The following PLCB2 variants were observed in gnomAD, a reference collection of about 807,000 sequenced individuals.
PLCB2 encodes 1-phosphatidylinositol 4,5-bisphosphate phosphodiesterase beta-2.
In PLCB2, 115 loss-of-function variants were observed where a neutral mutation model predicts 141.7. The observed-to-expected ratio is 0.81, with a 90% confidence interval of 0.70 to 0.95. PLCB2 has a LOEUF of 0.95. Among genes scored for constraint, PLCB2 ranks in the 40% least tolerant of loss-of-function variants. PLCB2 has a pLI of 0.00. For missense variants in PLCB2, 1,403 were observed against 1,541.1 expected (o/e 0.91, Z 1.50); for synonymous variants, 603 against 595.6 (o/e 1.01, Z -0.18).
Position 40,288,412 on chromosome 15 carries a change from T to C in PLCB2, c.*303A>G. On this transcript the variant is annotated 3_prime_UTR_variant, in exon 32 of 32. Coordinates refer to ENST00000260402, the MANE Select transcript of PLCB2 (RefSeq NM_004573.3). ...GGCAGAGTGGGGCCAGGATCCCACT[T>C]TCTGCCTTCCAGTCCATAGTCTTTT... 1.8e-6 allele frequency: 2 copies of C among 1,119,558 alleles called. No homozygotes were observed. The highest frequency in any genetic ancestry group is 2.2e-6 in the Non-Finnish European group (2 of 915,130). The allele number at this position is 1,119,558 out of a possible 1,614,324, so 69.4% of individuals were successfully genotyped here. A position where few individuals can be genotyped will look rare whatever the true frequency, so the allele number is the denominator to read the frequency against.
At chr15:40,291,549 G>A in intron 25 of PLCB2, 57 bp downstream of exon 25, 1 of 1,609,304 alleles carries the variant, frequency 6.2e-7, no homozygotes, top group Non-Finnish European at 8.5e-7. Flanking sequence ...AACCCCCAAG[G>A]AGCCCCGGAC....
In PLCB2 at chr15:40,297,581, A is replaced by G. The variant is rs2040288577; in HGVS notation, c.1263T>C (p.Ala421=). 6.2e-7 allele frequency: 1 copy of G among 1,614,122 alleles called. No homozygotes were observed. Among genetic ancestry groups the G allele is most frequent in the Non-Finnish European group, 8.5e-7 (1 of 1,179,978 alleles). ...VDSPRQQAKM[A]EYCRTIFGDM... is the part of the protein sequence containing the mutation. ...CCCCAAAGATCGTCCGGCAATACTC[A>G]GCCATCTTAGCCTGCTGGCGGGGTC... The change falls in exon 13 of 32, where the codon GCT becomes GCC. Residue 421 remains alanine, a synonymous_variant. Coordinates refer to ENST00000260402, the MANE Select transcript of PLCB2 (RefSeq NM_004573.3). The surrounding 1 kb of genome is among the most constrained non-coding windows in gnomAD (Gnocchi z 4.2).
Position 40,288,633 on chromosome 15 carries a change from C to T in PLCB2, c.*82G>A. On this transcript the variant is annotated 3_prime_UTR_variant, in exon 32 of 32. Coordinates refer to ENST00000260402, the MANE Select transcript of PLCB2 (RefSeq NM_004573.3). ...TTCCCACAGCCTCAGAAGGCTGGGG[C>T]TCCTTTTTCCTGGGGGAATAGAACC... 6.9e-7 allele frequency: 1 copy of T among 1,440,492 alleles called. No homozygotes were observed. The allele number at this position is 1,440,492 out of a possible 1,614,324, so 89.2% of individuals were successfully genotyped here.
rs1315023203 is a variant in PLCB2 at position 40,296,911 on chromosome 15, A to G, written c.1324-3T>C. Reference sequence around the variant, plus strand: ...GGCAGGGGGACACCTGGTTTTAGCTATGGAGTGGAGAGCAGGTCAGCACCA... The same window carrying G: ...GGCAGGGGGACACCTGGTTTTAGCTGTGGAGTGGAGAGCAGGTCAGCACCA... On this transcript the variant is annotated splice_polypyrimidine_tract_variant and splice_region_variant and intron_variant, in intron 13 of 31. Coordinates refer to ENST00000260402, the MANE Select transcript of PLCB2 (RefSeq NM_004573.3). 1 of 1,613,876 alleles carries G rather than the reference A, an allele frequency of 6.2e-7. No homozygotes were observed. Among genetic ancestry groups the G allele is most frequent in the Non-Finnish European group, 8.5e-7 (1 of 1,179,916 alleles).
chr15:40,296,825 G>T lies in PLCB2; in HGVS notation c.1407C>A (p.Gly469=). Residue 469 remains glycine (G), a synonymous_variant, in exon 14 of 32, where the codon GGC becomes GGA. Coordinates refer to ENST00000260402, the MANE Select transcript of PLCB2 (RefSeq NM_004573.3). ...LIKNKKNQFS[G]PTSSSKDTGG... ...CAGTATCCTTACTGGAGGAGGTGGG[G>T]CCAGAAAACTGGTTCTTCTTGTTCT... The T allele has an allele frequency of 6.2e-7, 1 of 1,614,128 alleles. No individual in the cohort carries two copies. Among genetic ancestry groups the T allele is most frequent in the Non-Finnish European group, 8.5e-7 (1 of 1,179,982 alleles).
At chr15:40,290,425 A>G in intron 29 of PLCB2, 152 bp downstream of exon 29, 1 of 701,588 alleles carries the variant, frequency 1.4e-6, no homozygotes, top group Non-Finnish European at 2.5e-6. Flanking sequence ...TGAGGAGGAC[A>G]CTCTGATCAA....
rs759350026 is a variant in PLCB2, at chr15:40,302,144, C to T, written c.498G>A (p.Pro166=). The T allele has an allele frequency of 5.0e-6, 8 of 1,611,008 alleles. No homozygotes were observed. Among genetic ancestry groups the T allele is most frequent in the East Asian group, 2.2e-5 (1 of 44,842 alleles). The part of the protein sequence containing the change: ...KMQLNSEGKI[P]VKNFFQMFPA... ...GGGGTTGGGGGGCTCACTTCTTCACCGGAATCTTCCCTTCAGAGTTGAGCT... is the reference window on the plus strand; with the variant it reads ...GGGGTTGGGGGGCTCACTTCTTCACTGGAATCTTCCCTTCAGAGTTGAGCT... Residue 166 remains proline, a synonymous_variant, in exon 6 of 32, where the codon CCG becomes CCA. Coordinates refer to ENST00000260402, the MANE Select transcript of PLCB2 (RefSeq NM_004573.3).
chr15:40,303,768 T>C, intron 2 of PLCB2: 1 of 530,074 alleles, frequency 1.9e-6, no homozygotes, highest in East Asian at 3.0e-5. Context: ...CCTGTCTCTC[T>C]CTCTCCCCAA....
chr15:40,301,885 C>T (rs2040526774), intron 7 of PLCB2, 72 bp downstream of exon 7: 1 of 1,367,796 alleles, frequency 7.3e-7, no homozygotes. Flanking sequence ...CCCCACCCAC[C>T]ATTCCTGGCC....
At chr15:40,290,468 C>A in intron 29 of PLCB2, 109 bp downstream of exon 29, 1 of 833,672 alleles carries the variant, frequency 1.2e-6, no homozygotes, top group Non-Finnish European at 2.0e-6. Context: ...TTTGGAGAGC[C>A]AGGGGACAGA....
chr15:40,303,485 G>T, intron 2 of PLCB2, 129 bp from the exon 3 acceptor site: 2 of 685,736 alleles, frequency 2.9e-6, no homozygotes. Context: ...CCTCTCTCTA[G>T]ATGCCAGGCT....
At position 40,288,575 on chromosome 15, in the gene PLCB2, G is replaced by C; in HGVS notation, c.*140C>G. 7.2e-7 allele frequency: 1 copy of C among 1,389,144 alleles called. No homozygotes were observed. The highest frequency in any genetic ancestry group is 9.3e-7 in the Non-Finnish European group (1 of 1,072,006). 86.1% of individuals were successfully genotyped at this position (1,389,144 alleles called of 1,614,324 possible). A position where few individuals can be genotyped will look rare whatever the true frequency, so the allele number is the denominator to read the frequency against. ...TCTCAGACTCTGGCCTGGCCGTTGA[G>C]GAGGGGGCTGCAGCGTCCAAGGCAG... On this transcript the variant is annotated 3_prime_UTR_variant, in exon 32 of 32. Coordinates refer to ENST00000260402, the MANE Select transcript of PLCB2 (RefSeq NM_004573.3).
intron 11 of PLCB2, 126 bp from the exon 12 acceptor site, chr15:40,298,085 A>G (rs1026131076): frequency 5.0e-6 from 6 of 1,189,884 alleles, no homozygotes; most frequent in African/African-American, 1.5e-5. Flanking sequence ...TTGGCCCCCA[A>G]TCCCTGCTGG....
rs375249031 is a variant in PLCB2 at position 40,288,850 on chromosome 15, C to A, written c.3423G>T (p.Ser1141=). The A allele has an allele frequency of 1.2e-6, 2 of 1,614,070 alleles. No individual in the cohort carries two copies. Among genetic ancestry groups the A allele is most frequent in the Non-Finnish European group, 1.7e-6 (2 of 1,180,012 alleles). Residue 1141 remains serine (S), a synonymous_variant, in exon 32 of 32, where the codon TCG becomes TCT. Transcript: ENST00000260402. The stretch of plus-strand genomic sequence containing the variant: ...AGCAGGTCCTGAGGCAGGCCCTCAC[C>A]GACTCCTTCACCTCTGCCTCCAGAC... ...MKGLEAEVKE[S]VRACLRTCFP...
chr15:40,294,850 G>A, intron 18 of PLCB2, 86 bp downstream of exon 18: 1 of 1,552,702 alleles, frequency 6.4e-7, no homozygotes, highest in South Asian at 1.1e-5. Flanking sequence ...GGACTCCCCA[G>A]CCTGTTCCAA....
chr15:40,291,110 C>T lies in PLCB2; in HGVS notation c.2944G>A (p.Glu982Lys). The T allele has an allele frequency of 1.3e-6, 2 of 1,580,512 alleles. No individual in the cohort carries two copies. Among genetic ancestry groups the T allele is most frequent in the East Asian group, 2.3e-5 (1 of 43,496 alleles). ...GPEGVDGRVRELKDRLELELL... is the reference protein window; with the variant it reads ...GPEGVDGRVRKLKDRLELELL... ...TCCAGCTCCAGCCTGTCTTTCAGCT[C>T]CCGCACGCGCCCGTCCACGCCCTCA... The change falls in exon 27 of 32, where the codon GAG (glutamate) becomes AAG (lysine). Residue 982 changes from glutamate to lysine, a missense_variant. This residue lies in a region of PLCB2 where 290 missense variants were observed against 245.9 expected (regional missense o/e 1.18). Coordinates refer to ENST00000260402, the MANE Select transcript of PLCB2 (RefSeq NM_004573.3).
Position 40,290,210 on chromosome 15 carries a change from G to A in PLCB2, c.3210-128C>T, listed in dbSNP as rs977103363. On this transcript the variant is annotated intron_variant, in intron 29 of 31. Coordinates refer to ENST00000260402, the MANE Select transcript of PLCB2 (RefSeq NM_004573.3). Reference sequence around the variant, plus strand: ...GGGCAGGAACCAGCTGGGGGCAGGTGTGGGGACCCAAGGAGTATGTAGGGG... The same window carrying A: ...GGGCAGGAACCAGCTGGGGGCAGGTATGGGGACCCAAGGAGTATGTAGGGG... 1.2e-4 allele frequency: 87 copies of A among 711,104 alleles called. 1 individual carries two copies. In the Admixed American group the frequency reaches 1.6e-3, roughly 13 times the overall value. The allele number at this position is 711,104 out of a possible 1,614,324, so 44.0% of individuals were successfully genotyped here. A position where few individuals can be genotyped will look rare whatever the true frequency, so the allele number is the denominator to read the frequency against.
chr15:40,290,135 G>A (rs2039807663), intron 29 of PLCB2, 53 bp from the exon 30 acceptor site: 2 of 1,121,888 alleles, frequency 1.8e-6, no homozygotes, highest in Non-Finnish European at 2.7e-6. Flanking sequence ...AGGGAGAGTA[G>A]GGTAACATGA....
At position 40,297,224 on chromosome 15, in the gene PLCB2, A is replaced by C. The variant is rs2040269433; in HGVS notation, c.1323+297T>G. Among the ~76,000 whole-genome samples the C allele has an allele frequency of 6.6e-6, 1 of 152,104 alleles. No homozygotes were observed. The highest frequency in any genetic ancestry group is 2.4e-5 in the African/African-American group (1 of 41,404). On this transcript the variant is annotated intron_variant, in intron 13 of 31. Transcript: ENST00000260402. This position sits in a 1 kb window ranked among gnomAD's most constrained non-coding sequence, Gnocchi z 4.2. ...GAAGCCTTCCCTGATCCCCAAGACCAGATCAGAACTCCCCAGGTGCTCCCA... is the reference window on the plus strand; with the variant it reads ...GAAGCCTTCCCTGATCCCCAAGACCCGATCAGAACTCCCCAGGTGCTCCCA...
Sources: gnomAD v4.1 joint callset for allele counts (sites outside exome capture counted in the v4.1 genomes callset) on GRCh38, gnomAD v4.1.1 for gene constraint, gnomAD v4.1.1 regional missense constraint, Gnocchi (gnomAD v3.1) non-coding constraint, MANE v1.5 for transcripts, NCBI Gene and HGNC (gene_info 2026-07-23, HGNC 2026-07-21) for gene names.